PIP4K2A: variants seen among roughly 807,000 people sequenced by gnomAD.
PIP4K2A encodes phosphatidylinositol-5-phosphate 4-kinase type 2 alpha, also known as phosphatidylinositol 5-phosphate 4-kinase type-2 alpha.
Under a neutral mutation model 42.9 loss-of-function variants are expected in PIP4K2A, and 14 were observed. The observed-to-expected ratio is 0.33, with a 90% CI of 0.22 to 0.51. The LOEUF is 0.51. Among genes scored for constraint, PIP4K2A ranks in the 20% least tolerant of loss-of-function variants. The pLI, the probability that PIP4K2A is intolerant of heterozygous loss-of-function variation, is 0.97. For missense variants in PIP4K2A, 434 were observed against 519.8 expected, an observed-to-expected ratio of 0.83 and a Z score of 1.61; for synonymous variants, 192 against 192.2, an observed-to-expected ratio of 1.00 and a Z score of 0.01.
intron 8 of PIP4K2A, among the ~76,000 whole-genome samples, 154 bp from the exon 9 acceptor site, chr10:22,540,228 C>G (rs45609032): frequency 6.6e-6 from 1 of 152,074 alleles, no homozygotes; most frequent in Non-Finnish European, 1.5e-5. Context: ...CTACACCACC[C>G]CTGCGGATCC....
Position 22,596,034 on chromosome 10 carries a change from C to T in PIP4K2A, c.340-4253G>A, listed in dbSNP as rs554197595. 2.6e-4 allele frequency among the ~76,000 whole-genome samples: 39 copies of T among 151,308 alleles called. 1 individual carries two copies. The South Asian group carries it at 8.0e-3, about 31-fold the overall frequency. On this transcript the variant is annotated intron_variant, in intron 3 of 9. Coordinates refer to ENST00000376573, the MANE Select transcript of PIP4K2A (RefSeq NM_005028.5). Reference sequence around the variant, plus strand: ...TAGCCTGACCAACATGGAGAAGCCCCGTCTCTACTAAAAATACAAAATTAT... The same window carrying T: ...TAGCCTGACCAACATGGAGAAGCCCTGTCTCTACTAAAAATACAAAATTAT...
chr10:22,610,893 C>T (rs1360452140), intron 1 of PIP4K2A, among the ~76,000 whole-genome samples: 1 of 152,140 alleles, frequency 6.6e-6, no homozygotes. Flanking sequence ...CTCCAGGCTT[C>T]CCACAGATGA....
chr10:22,589,289 CA>C (rs1244221997), intron 4 of PIP4K2A, among the ~76,000 whole-genome samples: 5 of 152,136 alleles, frequency 3.3e-5, no homozygotes, highest in African/African-American at 1.2e-4. Flanking sequence ...AAAAAGTAGA[CA>C]GTTTAAAAGG....
At chr10:22,650,779 CA>C (rs1404788930) in intron 1 of PIP4K2A, among the ~76,000 whole-genome samples, 2 of 152,126 alleles carry the variant, frequency 1.3e-5, no homozygotes, top group East Asian at 3.9e-4. Context: ...TATTTCCAAA[CA>C]AAAAGATTAC....
chr10:22,598,533 G>A (rs1379602814), intron 3 of PIP4K2A, among the ~76,000 whole-genome samples: 1 of 152,146 alleles, frequency 6.6e-6, no homozygotes, highest in Non-Finnish European at 1.5e-5. Flanking sequence ...TTCTATTGCT[G>A]GCCCCTGCTC....
intron 1 of PIP4K2A, among the ~76,000 whole-genome samples, chr10:22,703,517 C>T (rs1046265862): frequency 1.3e-5 from 2 of 152,170 alleles, no homozygotes; most frequent in African/African-American, 4.8e-5. Flanking sequence ...ACAGAAAAAG[C>T]GCAGGGCAGC....
intron 1 of PIP4K2A, among the ~76,000 whole-genome samples, chr10:22,621,819 C>T (rs1199999737): frequency 2.0e-5 from 3 of 152,328 alleles, no homozygotes; most frequent in Admixed American, 6.5e-5. Context: ...TTGGGACCTT[C>T]GTTAAGATTC....
intron 1 of PIP4K2A, among the ~76,000 whole-genome samples, chr10:22,660,690 A>G (rs966676083): frequency 6.6e-6 from 1 of 152,174 alleles, no homozygotes; most frequent in Non-Finnish European, 1.5e-5. Flanking sequence ...ACCTAACCTT[A>G]ATTTCAAATA....
At chr10:22,633,841 C>T (rs1243209660) in intron 1 of PIP4K2A, among the ~76,000 whole-genome samples, 2 of 152,106 alleles carry the variant, frequency 1.3e-5, no homozygotes, top group African/African-American at 2.4e-5. Flanking sequence ...GCCAAGCAAG[C>T]GAATTCACAG....
At chr10:22,562,536 G>T (rs557436494) in intron 6 of PIP4K2A, among the ~76,000 whole-genome samples, 1 of 152,150 alleles carries the variant, frequency 6.6e-6, no homozygotes, top group African/African-American at 2.4e-5. Flanking sequence ...GTGACAGAGC[G>T]AGACTCCGTC....
chr10:22,714,107 G>T, intron 1 of PIP4K2A, 76 bp downstream of exon 1: 2 of 1,421,526 alleles, frequency 1.4e-6, no homozygotes, highest in Non-Finnish European at 9.5e-7. Flanking sequence ...CGCAGCAGCT[G>T]CAGCCGGAGG....
rs188715977 is a variant in PIP4K2A at position 22,541,828 on chromosome 10, C to T, written c.1012G>A (p.Val338Ile). The T allele has an allele frequency of 4.6e-4, 715 of 1,566,250 alleles. 7 individuals are homozygous for T. The highest frequency in any genetic ancestry group is 6.2e-5 in the Non-Finnish European group (72 of 1,158,002). ...CTTTCATGGCACTTAATTCCATAGA[C>T]GTCGATGTTCGGATCGAACTCCCCG... is the stretch of plus-strand genomic sequence containing the variant. The part of the protein sequence containing the change: ...APGEFDPNID[V>I]YGIKCHENSP... The change falls in exon 8 of 10, where the codon GTC (valine) becomes ATC (isoleucine). Residue 338 changes from valine (V) to isoleucine (I), a missense_variant. By Grantham distance (29) the Val-to-Ile change is conservative. Around this residue, in one of 2 missense-constraint regions of PIP4K2A, gnomAD observed 395 missense variants for 444.5 expected, o/e 0.89. Coordinates refer to ENST00000376573, the MANE Select transcript of PIP4K2A (RefSeq NM_005028.5).
intron 1 of PIP4K2A, among the ~76,000 whole-genome samples, chr10:22,664,157 A>ATATACG (rs1839289889): frequency 1.6e-5 from 1 of 62,370 alleles, no homozygotes; most frequent in Non-Finnish European, 2.7e-5. Flanking sequence ...ATATACACAT[A>ATATACG]TATATATATA....
intron 1 of PIP4K2A, among the ~76,000 whole-genome samples, chr10:22,655,349 G>A (rs900970776): frequency 1.3e-5 from 2 of 152,204 alleles, no homozygotes; most frequent in Non-Finnish European, 2.9e-5. Flanking sequence ...CTTCAGAGCT[G>A]GAGCCCTCGG....
At chr10:22,537,518 A>G in intron 9 of PIP4K2A, among the ~76,000 whole-genome samples, 1 of 152,120 alleles carries the variant, frequency 6.6e-6, no homozygotes, top group Non-Finnish European at 1.5e-5. Flanking sequence ...GGAGCACCAG[A>G]TGCTACCACA....
chr10:22,668,324 AG>A (rs1839388191), intron 1 of PIP4K2A, among the ~76,000 whole-genome samples: 1 of 152,204 alleles, frequency 6.6e-6, no homozygotes, highest in Non-Finnish European at 1.5e-5. Flanking sequence ...AACGTTTCCC[AG>A]TAGGCCTTTT....
intron 4 of PIP4K2A, among the ~76,000 whole-genome samples, chr10:22,578,528 A>T (rs1837176481): frequency 1.3e-5 from 2 of 152,034 alleles, no homozygotes; most frequent in Non-Finnish European, 2.9e-5. Flanking sequence ...ACTCCGTCCC[A>T]TCTTTCCTGC....
chr10:22,584,251 A>G (rs1837341949), intron 4 of PIP4K2A, among the ~76,000 whole-genome samples: 1 of 152,190 alleles, frequency 6.6e-6, no homozygotes, highest in African/African-American at 2.4e-5. Flanking sequence ...AGAAACTATC[A>G]GGAATGAACG....
chr10:22,587,188 A>T (rs1385585981), intron 4 of PIP4K2A, among the ~76,000 whole-genome samples: 2 of 152,174 alleles, frequency 1.3e-5, no homozygotes, highest in Non-Finnish European at 2.9e-5. Flanking sequence ...CCTCCAGAAT[A>T]TAATTCCAAC....
Sources: gnomAD v4.1 joint callset for allele counts (sites outside exome capture counted in the v4.1 genomes callset) on GRCh38, gnomAD v4.1.1 for gene constraint, gnomAD v4.1.1 regional missense constraint, MANE v1.5 for transcripts, NCBI Gene and HGNC (gene_info 2026-07-23, HGNC 2026-07-21) for gene names.